Variants in SLC25A26 observed in about 807,000 individuals in gnomAD.
SLC25A26 encodes the protein mitochondrial S-adenosylmethionine carrier protein.
Under a neutral mutation model 37.8 loss-of-function variants are expected in SLC25A26, and 36 were observed. That is an observed-to-expected ratio of 0.95 (90% CI 0.73 to 1.26). SLC25A26 has a LOEUF of 1.26. Among genes scored for constraint, SLC25A26 ranks in the 50% most tolerant of loss-of-function variants. The probability of loss-of-function intolerance (pLI) is 0.00; values close to 1 mark genes in which losing one functional copy is unlikely to be tolerated. For missense variants in SLC25A26, 390 were observed against 331.1 expected (o/e 1.18, Z -1.38); for synonymous variants, 129 against 122.5 (o/e 1.05, Z -0.35).
intron 1 of SLC25A26, among the ~76,000 whole-genome samples, chr3:66,187,905 T>C (rs2070861478): frequency 6.6e-6 from 1 of 152,094 alleles, no homozygotes; most frequent in African/African-American, 2.4e-5. Flanking sequence ...AACATCGTCA[T>C]GACGCAACCC....
chr3:66,369,475 C>G lies in SLC25A26; in HGVS notation c.569-3C>G. 1 of 1,601,536 alleles carries G rather than the reference C, an allele frequency of 6.2e-7. No homozygotes were observed. Among genetic ancestry groups the G allele is most frequent in the Non-Finnish European group, 8.5e-7 (1 of 1,173,906 alleles). On this transcript the variant is annotated splice_polypyrimidine_tract_variant and splice_region_variant and intron_variant, in intron 7 of 9. Transcript: ENST00000354883. ...ACTTGGGTGTTGGGTATTATTTGTA[C>G]AGGTGGATTTGCCGCTGCAGTCACC...
chr3:66,294,326 G>T (rs2074821248), intron 5 of SLC25A26, among the ~76,000 whole-genome samples: 1 of 152,060 alleles, frequency 6.6e-6, no homozygotes, highest in African/African-American at 2.4e-5. Context: ...CTCTTGGCTT[G>T]CCGGTGTATA....
rs575753153 is a variant in SLC25A26 at position 66,316,404 on chromosome 3, G to T, written c.454-29960G>T. Among the ~76,000 whole-genome samples the T allele has an allele frequency of 3.9e-5, 6 of 152,258 alleles. No homozygotes were observed. In the South Asian group the frequency reaches 1.0e-3, roughly 26 times the overall value. ...ACTTTGGCCAGATACGAAATTCTAG[G>T]TTGGAAATTCTTTTGTTTAAGCATG... On this transcript the variant is annotated intron_variant, in intron 5 of 9. Coordinates refer to ENST00000354883, the MANE Select transcript of SLC25A26 (RefSeq NM_001379210.1).
At chr3:66,184,620 A>ACCTTGAGTTTACTATGTATT (rs2070788205) in intron 1 of SLC25A26, among the ~76,000 whole-genome samples, 31 of 151,872 alleles carry the variant, frequency 2.0e-4, no homozygotes, top group African/African-American at 2.4e-4. Context: ...TTACATGCTC[A>ACCTTGAGTTTACTATGTATT]ACCAAATCCT....
intron 5 of SLC25A26, among the ~76,000 whole-genome samples, chr3:66,266,872 A>G (rs1318358389): frequency 6.6e-6 from 1 of 152,204 alleles, no homozygotes. Context: ...TGAAAATTTT[A>G]TGGAGAGCAG....
At chr3:66,358,614 G>A (rs1272979743) in intron 6 of SLC25A26, among the ~76,000 whole-genome samples, 7 of 151,994 alleles carry the variant, frequency 4.6e-5, no homozygotes, top group African/African-American at 7.3e-5. Flanking sequence ...TTTCCTACTC[G>A]CTGTTTAATC....
rs769309915 is a variant in SLC25A26 at position 66,377,704 on chromosome 3, T to A, written c.722T>A (p.Val241Asp). 3.4e-5 allele frequency: 55 copies of A among 1,613,472 alleles called. No individual in the cohort carries two copies. The highest frequency in any genetic ancestry group is 4.0e-5 in the African/African-American group (3 of 74,866). Residue 241 changes from valine to aspartate, a missense_variant, in exon 10 of 10, where the codon GTC becomes GAC. Coordinates refer to ENST00000354883, the MANE Select transcript of SLC25A26 (RefSeq NM_001379210.1). ...TTTTCCCCTAGATTATTTGCAGGTGTCTTCCCTCGAATGGCAGCCATCAGT... is the reference window on the plus strand; with the variant it reads ...TTTTCCCCTAGATTATTTGCAGGTGACTTCCCTCGAATGGCAGCCATCAGT... The part of the protein sequence containing the change: ...SQGLAGLFAG[V>D]FPRMAAISLG...
At chr3:66,167,210 C>A (rs138063268) in intron 1 of SLC25A26, among the ~76,000 whole-genome samples, 1 of 152,164 alleles carries the variant, frequency 6.6e-6, no homozygotes, top group African/African-American at 2.4e-5. Flanking sequence ...GAGATTGGTT[C>A]GAGGAAAGGG....
At chr3:66,274,266 C>T (rs1287807858) in intron 5 of SLC25A26, among the ~76,000 whole-genome samples, 2 of 152,114 alleles carry the variant, frequency 1.3e-5, no homozygotes, top group Admixed American at 1.3e-4. Context: ...GGGTTAAAGA[C>T]TTAAACGTTA....
intron 1 of SLC25A26, among the ~76,000 whole-genome samples, chr3:66,171,024 C>G (rs938157196): frequency 6.6e-6 from 1 of 151,318 alleles, no homozygotes; most frequent in African/African-American, 2.4e-5. Flanking sequence ...GGGATGGTCT[C>G]GATCTCCTGA....
At chr3:66,275,719 C>T (rs2074118644) in intron 5 of SLC25A26, among the ~76,000 whole-genome samples, 1 of 152,064 alleles carries the variant, frequency 6.6e-6, no homozygotes, top group Non-Finnish European at 1.5e-5. Context: ...GATTAATTTT[C>T]TTATCATATT....
chr3:66,218,628 G>A (rs1178775246), upstream of SLC25A26, among the ~76,000 whole-genome samples: 7 of 152,296 alleles, frequency 4.6e-5, no homozygotes, highest in African/African-American at 1.4e-4. Flanking sequence ...GTAAACAATA[G>A]ACTATTGCTG....
chr3:66,343,686 A>G (rs569081729), intron 5 of SLC25A26, among the ~76,000 whole-genome samples: 3 of 152,336 alleles, frequency 2.0e-5, no homozygotes, highest in African/African-American at 7.2e-5. Flanking sequence ...GAATGATGCC[A>G]ATGGGATTGT....
At chr3:66,357,894 T>A (rs1271300533) in intron 6 of SLC25A26, among the ~76,000 whole-genome samples, 1 of 152,232 alleles carries the variant, frequency 6.6e-6, no homozygotes, top group African/African-American at 2.4e-5. Flanking sequence ...ACTATCTATG[T>A]GACCTCAGGC....
At chr3:66,210,866 A>G (rs2071275700) in intron 1 of SLC25A26, among the ~76,000 whole-genome samples, 2 of 152,212 alleles carry the variant, frequency 1.3e-5, no homozygotes, top group South Asian at 2.1e-4. Flanking sequence ...TTTGTCAGCA[A>G]GGAGACGTGA....
intron 1 of SLC25A26, among the ~76,000 whole-genome samples, chr3:66,149,831 G>A (rs904603019): frequency 4.6e-5 from 7 of 152,300 alleles, no homozygotes; most frequent in Admixed American, 1.3e-4. Context: ...GAGGCACACT[G>A]CAAGTCACTT....
chr3:66,306,682 G>A (rs1041063598), intron 5 of SLC25A26, among the ~76,000 whole-genome samples: 1 of 152,058 alleles, frequency 6.6e-6, no homozygotes, highest in Non-Finnish European at 1.5e-5. Context: ...ACAGGCCCCA[G>A]TGTGAGATGT....
At chr3:66,175,247 T>G (rs1236591929) in intron 1 of SLC25A26, among the ~76,000 whole-genome samples, 1 of 151,464 alleles carries the variant, frequency 6.6e-6, no homozygotes, top group African/African-American at 2.4e-5. Flanking sequence ...ACTTTTGAGA[T>G]GGAGTCTTGC....
chr3:66,343,326 A>G (rs1235561334), intron 5 of SLC25A26, among the ~76,000 whole-genome samples: 1 of 152,248 alleles, frequency 6.6e-6, no homozygotes, highest in African/African-American at 2.4e-5. Context: ...AAATTTTCAC[A>G]CAGGAATTTA....
Sources: allele counts gnomAD v4.1 joint callset (sites outside exome capture counted in the v4.1 genomes callset), GRCh38; gene constraint gnomAD v4.1.1; transcripts MANE v1.5; gene names NCBI Gene and HGNC (gene_info 2026-07-23, HGNC 2026-07-21).